The following CDON variants were observed in gnomAD, a reference collection of about 807,000 sequenced individuals.
The protein encoded by CDON is cell adhesion associated, oncogene regulated, also known as cell adhesion molecule-related/down-regulated by oncogenes.
In CDON, 73 loss-of-function variants were observed where a neutral mutation model predicts 120.9. The ratio of observed to expected loss-of-function variants is 0.60; its 90% CI spans 0.50 to 0.73. CDON has a LOEUF of 0.73. Ranked by LOEUF, CDON falls within the 30% of genes least tolerant of loss-of-function variation. CDON has a pLI of 0.00. For missense variants in CDON, 1,470 were observed against 1,587.3 expected (o/e 0.93, Z 1.26); for synonymous variants, 566 against 573.5 (o/e 0.99, Z 0.19).
At chr11:126,006,303 C>T (rs934331930) in intron 8 of CDON, among the ~76,000 whole-genome samples, 2 of 152,132 alleles carry the variant, frequency 1.3e-5, no homozygotes, top group South Asian at 2.1e-4. Flanking sequence ...AGCAGTTAAA[C>T]GTTCTTATTT....
intron 18 of CDON, among the ~76,000 whole-genome samples, chr11:125,973,144 T>A (rs1946053585): frequency 6.6e-6 from 1 of 151,346 alleles, no homozygotes; most frequent in African/African-American, 2.4e-5. Flanking sequence ...CTGTTTCTCA[T>A]CTGGACTACT....
chr11:125,989,935 T>C (rs1946584276), intron 14 of CDON, among the ~76,000 whole-genome samples, 176 bp from the exon 15 acceptor site: 1 of 152,202 alleles, frequency 6.6e-6, no homozygotes, highest in Admixed American at 6.5e-5. Context: ...ATAAACAGCA[T>C]TTCTATTACA....
chr11:126,016,438 C>T (rs1565531019), intron 6 of CDON, among the ~76,000 whole-genome samples: 1 of 152,044 alleles, frequency 6.6e-6, no homozygotes, highest in African/African-American at 2.4e-5. Flanking sequence ...TTTGAGATGA[C>T]ATTTTCTTTT....
At chr11:126,033,027 G>A (rs1174860157) in intron 1 of CDON, among the ~76,000 whole-genome samples, 1 of 152,146 alleles carries the variant, frequency 6.6e-6, no homozygotes, top group Non-Finnish European at 1.5e-5. Context: ...CTTTGATAAT[G>A]AATGAGTTGG....
rs561292089 is a variant in CDON, at chr11:126,028,413, G to C, written c.-61-4876C>G. On this transcript the variant is annotated intron_variant, in intron 1 of 19. Coordinates refer to ENST00000531738, the MANE Select transcript of CDON (RefSeq NM_001378964.1). ...TGGAATCTTGCTGTCACCCAGGCTGGAGTGCAGTGGCATGATCTTGGCTCA... is the reference window on the plus strand; with the variant it reads ...TGGAATCTTGCTGTCACCCAGGCTGCAGTGCAGTGGCATGATCTTGGCTCA... 5.4e-5 allele frequency among the ~76,000 whole-genome samples: 8 copies of C among 149,392 alleles called. No homozygotes were observed. The South Asian group carries it at 1.7e-3, about 31-fold the overall frequency.
intron 1 of CDON, among the ~76,000 whole-genome samples, chr11:126,056,181 T>G (rs1196719695): frequency 6.6e-6 from 1 of 152,224 alleles, no homozygotes; most frequent in African/African-American, 2.4e-5. Context: ...CAGGAGTCCA[T>G]GCCCCTTCCA....
chr11:125,978,058 T>A (rs1946194481), intron 18 of CDON, among the ~76,000 whole-genome samples: 2 of 152,164 alleles, frequency 1.3e-5, no homozygotes, highest in Admixed American at 6.5e-5. Context: ...TTAAGCCTTA[T>A]AATAATATTT....
At chr11:126,018,187 A>T in intron 5 of CDON, 143 bp downstream of exon 5, 1 of 855,548 alleles carries the variant, frequency 1.2e-6, no homozygotes, top group Non-Finnish European at 1.9e-6. Context: ...GGGGTGACCC[A>T]CCACACCTAG....
At position 125,981,963 on chromosome 11, in the gene CDON, C is replaced by CTTTTTTT. The variant is rs1565501813; in HGVS notation, c.2996-635_2996-634insAAAAAAA. The stretch of plus-strand genomic sequence containing the variant: ...GGAGTACCAAAGGCAAAAAGTGATT[C>CTTTTTTT]TATTTTCTTTTTTTTTTTTTTTTTT... On this transcript the variant is annotated intron_variant, in intron 16 of 19. Coordinates refer to ENST00000531738, the MANE Select transcript of CDON (RefSeq NM_001378964.1). Among the ~76,000 whole-genome samples, 88 of 34,118 alleles carry CTTTTTTT rather than the reference C, an allele frequency of 2.6e-3. 7 individuals carry two copies. Among genetic ancestry groups the CTTTTTTT allele is most frequent in the East Asian group, 0.011 (10 of 886 alleles). 22.4% of individuals were successfully genotyped at this position (34,118 alleles called of 152,430 possible). A position where few individuals can be genotyped will look rare whatever the true frequency, so the allele number is the denominator to read the frequency against.
intron 18 of CDON, among the ~76,000 whole-genome samples, chr11:125,976,049 G>A (rs1946141282): frequency 1.3e-5 from 2 of 152,060 alleles, no homozygotes; most frequent in South Asian, 2.1e-4. Context: ...TAACAATGTC[G>A]ATATTCTAAA....
Position 126,010,746 on chromosome 11 carries a change from C to T in CDON, c.1199-52G>A, listed in dbSNP as rs187849489. ...AAAATGAAGAACATTGTAGTACCTA[C>T]GATGCAAAACAACTTCATCCTATCA... On this transcript the variant is annotated intron_variant, in intron 7 of 19. Transcript: ENST00000531738. 9.3e-4 allele frequency: 1,325 copies of T among 1,423,192 alleles called. 14 individuals carry two copies. Among genetic ancestry groups the T allele is most frequent in the Middle Eastern group, 8.8e-4 (5 of 5,700 alleles). 88.2% of individuals were successfully genotyped at this position (1,423,192 alleles called of 1,614,324 possible).
rs1197079544 is a variant in CDON, at chr11:126,042,358, AT to A, written c.-61-18822del. Among the ~76,000 whole-genome samples the A allele has an allele frequency of 2.6e-5, 4 of 152,186 alleles. No individual in the cohort carries two copies. The East Asian group carries it at 7.7e-4, about 29-fold the overall frequency. ...CAGTTATGCCACATTCCCAGTGGTA[AT>A]TGTGGGTCACCTGTAAGTGGCAAGA... is the stretch of plus-strand genomic sequence containing the variant. On this transcript the variant is annotated intron_variant, in intron 1 of 19. Coordinates refer to ENST00000531738, the MANE Select transcript of CDON (RefSeq NM_001378964.1).
At chr11:126,048,431 G>A (rs543471587) in intron 1 of CDON, among the ~76,000 whole-genome samples, 4 of 152,246 alleles carry the variant, frequency 2.6e-5, no homozygotes, top group Non-Finnish European at 5.9e-5. Flanking sequence ...AGGAACACTC[G>A]AGCAAAGAGG....
At chr11:125,993,456 G>T (rs1946690285) in intron 14 of CDON, among the ~76,000 whole-genome samples, 1 of 151,900 alleles carries the variant, frequency 6.6e-6, no homozygotes, top group African/African-American at 2.4e-5. Flanking sequence ...TAACTGCTAT[G>T]AAATAAACAT....
In CDON at chr11:126,034,300, C is replaced by A. The variant is rs1047035452; in HGVS notation, c.-61-10763G>T. On this transcript the variant is annotated intron_variant, in intron 1 of 19. Coordinates refer to ENST00000531738, the MANE Select transcript of CDON (RefSeq NM_001378964.1). The surrounding 1 kb of genome is among the most constrained non-coding windows in gnomAD (Gnocchi z 4.5). ...AAATGGAAGTGACTTGGAGTTATGG[C>A]ACCAAAAAGGCCAAATGAGCAAAGA... 3.9e-5 allele frequency among the ~76,000 whole-genome samples: 6 copies of A among 152,066 alleles called. No individual in the cohort carries two copies. Among genetic ancestry groups the A allele is most frequent in the African/African-American group, 1.4e-4 (6 of 41,404 alleles).
intron 2 of CDON, among the ~76,000 whole-genome samples, chr11:126,022,101 C>CAAAA (rs56788784): frequency 4.8e-3 from 263 of 55,062 alleles, no homozygotes; most frequent in Middle Eastern, 0.011. Context: ...GACCCTGCTT[C>CAAAA]AAAAAAAAAA....
intron 10 of CDON, among the ~76,000 whole-genome samples, chr11:126,003,104 C>A (rs1947002458): frequency 6.6e-6 from 1 of 152,166 alleles, no homozygotes. Context: ...CTGTATCCAC[C>A]CCCTAACTTA....
At chr11:125,965,248 A>C (rs183649141) in intron 18 of CDON, among the ~76,000 whole-genome samples, 2 of 152,350 alleles carry the variant, frequency 1.3e-5, no homozygotes, top group African/African-American at 4.8e-5. Context: ...ATTCTTAAAA[A>C]TTAAATTCCT....
intron 5 of CDON, among the ~76,000 whole-genome samples, chr11:126,018,020 C>T (rs1453750199): frequency 6.6e-6 from 1 of 152,120 alleles, no homozygotes; most frequent in Non-Finnish European, 1.5e-5. Context: ...CTGCCTCAGC[C>T]TCTCAAGTAG....
Sources: gnomAD v4.1 joint callset for allele counts (sites outside exome capture counted in the v4.1 genomes callset) on GRCh38, gnomAD v4.1.1 for gene constraint, Gnocchi (gnomAD v3.1) non-coding constraint, MANE v1.5 for transcripts, NCBI Gene and HGNC (gene_info 2026-07-23, HGNC 2026-07-21) for gene names.